The following SNTG1 variants were observed in gnomAD, a reference collection of about 807,000 sequenced individuals.
SNTG1 encodes syntrophin gamma 1, also known as gamma-1-syntrophin.
Under a neutral mutation model 74.7 loss-of-function variants are expected in SNTG1, and 39 were observed. The observed-to-expected ratio is 0.52, with a 90% CI of 0.40 to 0.68. SNTG1 has a LOEUF of 0.68. Ranked by LOEUF, SNTG1 falls within the 30% of genes least tolerant of loss-of-function variation. The pLI is 0.00. For missense variants in SNTG1, 685 were observed against 609.5 expected (o/e 1.12, Z -1.30); for synonymous variants, 254 against 217.1 (o/e 1.17, Z -1.49).
intron 12 of SNTG1, among the ~76,000 whole-genome samples, chr8:50,566,168 C>A (rs940910924): frequency 2.6e-5 from 4 of 151,758 alleles, no homozygotes; most frequent in Admixed American, 6.6e-5. Flanking sequence ...GGTATCCTTG[C>A]TTAATAAAAG....
At chr8:50,622,096 G>T (rs904284921) in intron 13 of SNTG1, among the ~76,000 whole-genome samples, 1 of 152,022 alleles carries the variant, frequency 6.6e-6, no homozygotes, top group Non-Finnish European at 1.5e-5. Flanking sequence ...TTCCTCATAG[G>T]TATTGCATCT....
At chr8:50,206,245 G>A (rs553751508) in intron 2 of SNTG1, among the ~76,000 whole-genome samples, 4 of 152,114 alleles carry the variant, frequency 2.6e-5, no homozygotes, top group East Asian at 3.9e-4. Flanking sequence ...TTATTTTGTT[G>A]AGCAGTGTTT....
At chr8:50,181,770 T>C (rs1032318060) in intron 2 of SNTG1, among the ~76,000 whole-genome samples, 2 of 152,326 alleles carry the variant, frequency 1.3e-5, no homozygotes, top group Admixed American at 1.3e-4. Context: ...CAAAGTTATA[T>C]GCTTTTGAAA....
chr8:50,134,114 C>A (rs2081397177), intron 1 of SNTG1, among the ~76,000 whole-genome samples: 1 of 152,106 alleles, frequency 6.6e-6, no homozygotes, highest in Admixed American at 6.6e-5. Context: ...TCATGGAACT[C>A]AATCTATGGT....
chr8:50,367,120 A>T (rs1174172825), intron 2 of SNTG1, among the ~76,000 whole-genome samples: 1 of 151,834 alleles, frequency 6.6e-6, no homozygotes, highest in Non-Finnish European at 1.5e-5. Context: ...AGCATAGGTG[A>T]TTCTAAGAGA....
chr8:50,583,068 G>A lies in SNTG1; in HGVS notation c.811-7811G>A, dbSNP rs186050762. ...ACACTACTTAGATTTTGTTTCCTTT[G>A]TGTAGGTCACACCATCCTGAATCTA... On this transcript the variant is annotated intron_variant, in intron 12 of 18. Transcript: ENST00000642720. 2.6e-5 allele frequency among the ~76,000 whole-genome samples: 4 copies of A among 152,090 alleles called. No homozygotes were observed. The East Asian group carries it at 7.7e-4, about 29-fold the overall frequency.
chr8:50,482,503 G>A (rs912360667), intron 8 of SNTG1, among the ~76,000 whole-genome samples: 9 of 152,118 alleles, frequency 5.9e-5, no homozygotes, highest in Non-Finnish European at 1.3e-4. Context: ...CTCTCATTGT[G>A]AGTTTGCAAA....
At chr8:50,155,210 G>A (rs985131718) in intron 1 of SNTG1, among the ~76,000 whole-genome samples, 1 of 152,166 alleles carries the variant, frequency 6.6e-6, no homozygotes, top group South Asian at 2.1e-4. Context: ...GTATGGTCCT[G>A]TTGTAAAAAT....
intron 3 of SNTG1, 33 bp downstream of exon 3, chr8:50,394,298 G>A (rs752625901): frequency 8.1e-6 from 13 of 1,605,466 alleles, no homozygotes; most frequent in Middle Eastern, 3.3e-4. Flanking sequence ...TTCAAACAGG[G>A]AAAACAGAAT....
intron 1 of SNTG1, among the ~76,000 whole-genome samples, chr8:50,105,999 C>T (rs1330461849): frequency 1.3e-5 from 2 of 152,104 alleles, no homozygotes; most frequent in African/African-American, 4.8e-5. Flanking sequence ...GACTTACTCT[C>T]TTCCTATTTG....
intron 17 of SNTG1, among the ~76,000 whole-genome samples, chr8:50,751,755 G>C (rs553945063): frequency 1.9e-4 from 29 of 152,060 alleles, no homozygotes; most frequent in Non-Finnish European, 3.8e-4. Context: ...AAGATACTAA[G>C]AGCAATTTAT....
At chr8:50,382,081 T>C (rs147530453) in intron 2 of SNTG1, 8 of 151,970 alleles carry the variant, frequency 5.3e-5, no homozygotes, top group African/African-American at 1.7e-4. Context: ...CTAGCCATGC[T>C]GGCAGCTGAT....
intron 1 of SNTG1, among the ~76,000 whole-genome samples, chr8:49,957,649 A>T (rs1810296062): frequency 6.6e-6 from 1 of 152,200 alleles, no homozygotes; most frequent in African/African-American, 2.4e-5. Flanking sequence ...AAAAACTGGA[A>T]TGTCATTCAG....
chr8:50,447,540 G>C (rs1196105841), intron 5 of SNTG1, among the ~76,000 whole-genome samples: 2 of 152,132 alleles, frequency 1.3e-5, no homozygotes, highest in Non-Finnish European at 2.9e-5. Flanking sequence ...AGTGTCTCTA[G>C]AGGCTATCAG....
intron 1 of SNTG1, among the ~76,000 whole-genome samples, chr8:50,135,436 GTTA>G (rs2081441300): frequency 6.6e-6 from 1 of 152,108 alleles, no homozygotes; most frequent in South Asian, 2.1e-4. Context: ...TATTTGAATT[GTTA>G]TTATTTCTAT....
chr8:50,777,147 A>C (rs1166828798), intron 18 of SNTG1, among the ~76,000 whole-genome samples: 1 of 150,462 alleles, frequency 6.6e-6, no homozygotes, highest in Non-Finnish European at 1.5e-5. Flanking sequence ...AATTTTCGCT[A>C]TTACGTCTTT....
intron 2 of SNTG1, among the ~76,000 whole-genome samples, chr8:50,210,793 T>TAAAAAC (rs1450882428): frequency 6.6e-6 from 1 of 152,108 alleles, no homozygotes; most frequent in Non-Finnish European, 1.5e-5. Context: ...CCAGTAAATT[T>TAAAAAC]AAAAACAAAA....
intron 2 of SNTG1, among the ~76,000 whole-genome samples, chr8:50,196,802 CAA>C (rs542608239): frequency 2.0e-5 from 2 of 99,952 alleles, no homozygotes; most frequent in Admixed American, 1.1e-4. Flanking sequence ...ACTAAAAATA[CAA>C]AAAAAAAAAA....
intron 2 of SNTG1, among the ~76,000 whole-genome samples, chr8:50,388,150 T>C (rs11989809): frequency 0.26 from 39,279 of 152,138 alleles, 5,315 homozygotes; most frequent in Middle Eastern, 0.39. Context: ...GACAGGCATA[T>C]GCATTTTCAG....
Sources: gnomAD v4.1 joint callset for allele counts (sites outside exome capture counted in the v4.1 genomes callset) on GRCh38, gnomAD v4.1.1 for gene constraint, MANE v1.5 for transcripts, NCBI Gene and HGNC (gene_info 2026-07-23, HGNC 2026-07-21) for gene names.